The following IPO11 variants were observed in gnomAD, a reference collection of about 807,000 sequenced individuals.
IPO11 encodes the protein importin 11.
IPO11 carries 66 observed loss-of-function variants against 143.2 expected under a neutral mutation model. That is an observed-to-expected ratio of 0.46 (90% CI 0.38 to 0.57). The LOEUF is 0.57. IPO11 is among the 20% of genes least tolerant of loss of function. The pLI, the probability that IPO11 is intolerant of heterozygous loss-of-function variation, is 0.00. For missense variants in IPO11, 1,026 were observed against 1,141.0 expected, an observed-to-expected ratio of 0.90 and a Z score of 1.45; for synonymous variants, 385 against 377.8, an observed-to-expected ratio of 1.02 and a Z score of -0.22.
At chr5:62,552,179 T>C (rs551600546) in intron 26 of IPO11, among the ~76,000 whole-genome samples, 1 of 152,238 alleles carries the variant, frequency 6.6e-6, no homozygotes, top group African/African-American at 2.4e-5. Context: ...GATTATGCTG[T>C]AAGTCATTAA....
chr5:62,441,602 G>A (rs1409044640), intron 2 of IPO11, among the ~76,000 whole-genome samples: 1 of 133,822 alleles, frequency 7.5e-6, no homozygotes, highest in Admixed American at 8.7e-5. Context: ...TGCAACCTCC[G>A]CCTCCTGGGT....
intron 27 of IPO11, among the ~76,000 whole-genome samples, chr5:62,572,269 T>C (rs1162335760): frequency 6.6e-6 from 1 of 152,230 alleles, no homozygotes; most frequent in African/African-American, 2.4e-5. Flanking sequence ...TAAAACCACA[T>C]ATCTCGTTTT....
At chr5:62,423,729 GGTTT>G (rs756792870) in intron 1 of IPO11, among the ~76,000 whole-genome samples, 10 of 152,182 alleles carry the variant, frequency 6.6e-5, no homozygotes, top group East Asian at 3.9e-4. Flanking sequence ...GTCAGATTCA[GGTTT>G]GTTTGTTTGT....
intron 7 of IPO11, among the ~76,000 whole-genome samples, chr5:62,472,716 A>G (rs886753372): frequency 2.6e-5 from 4 of 151,898 alleles, no homozygotes; most frequent in Admixed American, 2.0e-4. Context: ...TTTGGTAGAG[A>G]CGGGGTTTCA....
intron 19 of IPO11, among the ~76,000 whole-genome samples, chr5:62,511,799 A>G (rs1462743695): frequency 1.3e-5 from 2 of 152,074 alleles, no homozygotes; most frequent in African/African-American, 2.4e-5. Context: ...TCTTTAATCA[A>G]GGCTTTTAAC....
chr5:62,616,803 A>T (rs1746157044), intron 29 of IPO11, among the ~76,000 whole-genome samples: 1 of 150,568 alleles, frequency 6.6e-6, no homozygotes, highest in Admixed American at 6.6e-5. Flanking sequence ...AACTTGGTTT[A>T]TTTAACAATT....
At chr5:62,540,776 T>C (rs1405832131) in intron 24 of IPO11, among the ~76,000 whole-genome samples, 1 of 152,222 alleles carries the variant, frequency 6.6e-6, no homozygotes, top group African/African-American at 2.4e-5. Flanking sequence ...TAAACAGTTA[T>C]AGCAATGCCA....
At chr5:62,487,975 G>A in intron 13 of IPO11, 114 bp downstream of exon 13, 1 of 862,868 alleles carries the variant, frequency 1.2e-6, no homozygotes, top group Non-Finnish European at 1.7e-6. Flanking sequence ...TAATAAATAT[G>A]AATTTGAGAA....
At chr5:62,470,773 C>T (rs1745737178) in intron 7 of IPO11, among the ~76,000 whole-genome samples, 1 of 143,636 alleles carries the variant, frequency 7.0e-6, no homozygotes, top group Non-Finnish European at 1.5e-5. Flanking sequence ...ATAAATCGAT[C>T]ATAAGTTGTG....
intron 5 of IPO11, among the ~76,000 whole-genome samples, chr5:62,460,681 G>A (rs1428133092): frequency 1.3e-5 from 2 of 152,150 alleles, no homozygotes; most frequent in African/African-American, 4.8e-5. Flanking sequence ...TCAGTAGGTG[G>A]CACTGTTTCT....
intron 8 of IPO11, among the ~76,000 whole-genome samples, chr5:62,475,173 T>G (rs758574662): frequency 6.6e-6 from 1 of 151,810 alleles, no homozygotes; most frequent in African/African-American, 2.4e-5. Flanking sequence ...TCCCAAAGTG[T>G]TGGAATTGCA....
intron 20 of IPO11, among the ~76,000 whole-genome samples, chr5:62,520,375 AT>A (rs755401076): frequency 0.034 from 4,982 of 146,650 alleles, 235 homozygotes; most frequent in African/African-American, 0.11. Context: ...GATACGACAG[AT>A]TTTTTTTTTT....
chr5:62,602,178 T>A (rs1027742460), intron 29 of IPO11, among the ~76,000 whole-genome samples: 2 of 152,174 alleles, frequency 1.3e-5, no homozygotes, highest in African/African-American at 4.8e-5. Flanking sequence ...TACTGAAATT[T>A]CCTTGCATTC....
At chr5:62,543,294 G>A (rs1360262555) in intron 24 of IPO11, among the ~76,000 whole-genome samples, 1 of 152,130 alleles carries the variant, frequency 6.6e-6, no homozygotes, top group South Asian at 2.1e-4. Flanking sequence ...GGTAGAATTC[G>A]GCTGTGAATC....
chr5:62,623,267 G>C (rs142093575), intron 29 of IPO11, among the ~76,000 whole-genome samples: 1 of 152,238 alleles, frequency 6.6e-6, no homozygotes, highest in South Asian at 2.1e-4. Flanking sequence ...TACATACCTA[G>C]TGTATTTATA....
At chr5:62,534,660 C>CT (rs1397001387) in intron 22 of IPO11, among the ~76,000 whole-genome samples, 1 of 152,142 alleles carries the variant, frequency 6.6e-6, no homozygotes, top group Admixed American at 6.5e-5. Context: ...AGTCTTGGCT[C>CT]TGTTGACATT....
rs186536791 is a variant in IPO11 at position 62,545,274 on chromosome 5, G to A, written c.2251-5093G>A. Among the ~76,000 whole-genome samples the A allele has an allele frequency of 6.8e-4, 104 of 152,248 alleles. 1 individual carries two copies. Among genetic ancestry groups the A allele is most frequent in the Admixed American group, 3.3e-3 (50 of 15,286 alleles). The stretch of plus-strand genomic sequence containing the variant: ...AGATATAGACCAATGGAACATAACA[G>A]AGTCCTCAGAAATAATACCACACAG... On this transcript the variant is annotated intron_variant, in intron 24 of 29. Transcript: ENST00000325324.
intron 15 of IPO11, among the ~76,000 whole-genome samples, chr5:62,493,236 G>A (rs557815480): frequency 6.6e-6 from 1 of 152,274 alleles, no homozygotes; most frequent in South Asian, 2.1e-4. Flanking sequence ...TATAAGCCTA[G>A]AAGTTTCTTA....
chr5:62,625,408 G>C (rs932853823), intron 29 of IPO11, among the ~76,000 whole-genome samples: 1 of 152,180 alleles, frequency 6.6e-6, no homozygotes, highest in Non-Finnish European at 1.5e-5. Flanking sequence ...ACTGAGCCAC[G>C]TGCTCATTAA....
Sources: gnomAD v4.1 joint callset for allele counts (sites outside exome capture counted in the v4.1 genomes callset) on GRCh38, gnomAD v4.1.1 for gene constraint, MANE v1.5 for transcripts, NCBI Gene and HGNC (gene_info 2026-07-23, HGNC 2026-07-21) for gene names.